NEDD9: variants seen among roughly 807,000 people sequenced by gnomAD.
NEDD9 encodes the protein enhancer of filamentation 1.
Under a neutral mutation model 76.6 loss-of-function variants are expected in NEDD9, and 26 were observed. The ratio of observed to expected loss-of-function variants is 0.34; its 90% CI spans 0.25 to 0.47. The LOEUF is 0.47. Ranked by LOEUF, NEDD9 falls within the 20% of genes least tolerant of loss-of-function variation. The pLI, the probability that NEDD9 is intolerant of heterozygous loss-of-function variation, is 1.00. For synonymous variants in NEDD9, 392 were observed against 414.2 expected, an observed-to-expected ratio of 0.95 and a Z score of 0.65; for missense variants, 937 against 1,058.5, an observed-to-expected ratio of 0.89 and a Z score of 1.59.
chr6:11,206,597 A>G (rs2113746459), intron 2 of NEDD9, among the ~76,000 whole-genome samples: 1 of 152,326 alleles, frequency 6.6e-6, no homozygotes, highest in East Asian at 1.9e-4. Context: ...TCATTGAAAA[A>G]GGAGGGTTAA....
chr6:11,189,886 C>A, intron 5 of NEDD9, 78 bp downstream of exon 5: 1 of 1,471,048 alleles, frequency 6.8e-7, no homozygotes, highest in Non-Finnish European at 9.0e-7. Flanking sequence ...CAGTCCAACC[C>A]GACATCCTTA....
intron 1 of NEDD9, among the ~76,000 whole-genome samples, chr6:11,348,802 A>T (rs747384189): frequency 6.6e-6 from 1 of 152,156 alleles, no homozygotes; most frequent in Non-Finnish European, 1.5e-5. Context: ...TAAATGTAAA[A>T]CCCAAAACTA....
At chr6:11,239,924 G>A (rs1041671802) in intron 3 of NEDD9, among the ~76,000 whole-genome samples, 1 of 151,422 alleles carries the variant, frequency 6.6e-6, no homozygotes, top group Non-Finnish European at 1.5e-5. Flanking sequence ...CACACCTGTA[G>A]TCCTAGCTAC....
chr6:11,364,341 T>C (rs1435039906), intron 1 of NEDD9, among the ~76,000 whole-genome samples: 1 of 152,192 alleles, frequency 6.6e-6, no homozygotes, highest in East Asian at 1.9e-4. Context: ...CCTTTGCTGA[T>C]TCTGATTTGT....
intron 2 of NEDD9, among the ~76,000 whole-genome samples, chr6:11,194,375 T>C (rs1758239720): frequency 1.3e-5 from 2 of 152,244 alleles, no homozygotes; most frequent in African/African-American, 2.4e-5. Context: ...TGAAATTTGC[T>C]TTAAGGCTCT....
At chr6:11,374,703 G>C (rs375286644) in intron 1 of NEDD9, among the ~76,000 whole-genome samples, 23 of 152,190 alleles carry the variant, frequency 1.5e-4, no homozygotes, top group Non-Finnish European at 2.6e-4. Context: ...TTCTCTTCAG[G>C]ATCAAGCAAA....
intron 3 of NEDD9, among the ~76,000 whole-genome samples, chr6:11,255,569 G>T (rs1003982531): frequency 6.6e-6 from 1 of 152,130 alleles, no homozygotes; most frequent in African/African-American, 2.4e-5. Context: ...TGAAGGCCCC[G>T]TGGCAGAAGG....
At chr6:11,188,091 T>C in intron 6 of NEDD9, 127 bp downstream of exon 6, 1 of 772,326 alleles carries the variant, frequency 1.3e-6, no homozygotes, top group Non-Finnish European at 2.2e-6. Flanking sequence ...CATTCCGTGC[T>C]TTGGAGCTGA....
rs1263633150 is a variant in NEDD9, at chr6:11,266,704, GGTCTGA to G, written c.12+39282_12+39287del. Among the ~76,000 whole-genome samples the G allele has an allele frequency of 3.8e-4, 58 of 152,280 alleles. No homozygotes were observed. In the East Asian group the frequency reaches 6.4e-3, roughly 17 times the overall value. On this transcript the variant is annotated intron_variant, in intron 3 of 3. Coordinates refer to the NEDD9 transcript ENST00000397378. ...CTAGGAATGGGAAGTTGTAACCAGT[GGTCTGA>G]GTCTAAGCCAGGATAGTTGTAGTTT... is the stretch of plus-strand genomic sequence containing the variant.
In NEDD9 at chr6:11,241,815, C is replaced by G. The variant is rs528144728; in HGVS notation, c.13-28088G>C. Among the ~76,000 whole-genome samples, 7 of 152,328 alleles carry G rather than the reference C, an allele frequency of 4.6e-5. No individual in the cohort carries two copies. The highest frequency in any genetic ancestry group is 1.7e-4 in the African/African-American group (7 of 41,584). ...CTCATCAGCTGAGGCCGGCCAATGT[C>G]CAGCAGGCCCCGGGCCCAGAGCCTC... is the stretch of plus-strand genomic sequence containing the variant. On this transcript the variant is annotated intron_variant, in intron 3 of 3. Transcript: ENST00000397378. This position sits in a 1 kb window ranked among gnomAD's most constrained non-coding sequence, Gnocchi z 4.0.
chr6:11,266,040 G>C (rs2113333170), intron 3 of NEDD9, among the ~76,000 whole-genome samples: 1 of 152,094 alleles, frequency 6.6e-6, no homozygotes, highest in East Asian at 1.9e-4. Flanking sequence ...GGAAGGGAGA[G>C]GGGGTGGGAA....
At chr6:11,334,986 A>G (rs1762123866) in intron 1 of NEDD9, among the ~76,000 whole-genome samples, 1 of 152,210 alleles carries the variant, frequency 6.6e-6, no homozygotes, top group South Asian at 2.1e-4. Context: ...GAGAGCAATC[A>G]TTAAAGCTGA....
intron 2 of NEDD9, among the ~76,000 whole-genome samples, chr6:11,326,272 C>T (rs1425533103): frequency 6.6e-6 from 1 of 152,046 alleles, no homozygotes; most frequent in African/African-American, 2.4e-5. Flanking sequence ...CAAAGCAACA[C>T]AGGAATAAAG....
At chr6:11,218,387 A>G (rs748729689) in intron 1 of NEDD9, among the ~76,000 whole-genome samples, 5 of 149,410 alleles carry the variant, frequency 3.3e-5, no homozygotes, top group African/African-American at 7.4e-5. Context: ...TTGCTTCCCA[A>G]TTGGCTTTCC....
chr6:11,320,484 G>A (rs188938063), intron 2 of NEDD9, among the ~76,000 whole-genome samples: 48 of 152,258 alleles, frequency 3.2e-4, no homozygotes, highest in African/African-American at 9.1e-4. Context: ...CGATTTGTTC[G>A]TATCTATCCA....
intron 3 of NEDD9, among the ~76,000 whole-genome samples, chr6:11,262,421 A>G (rs1760132034): frequency 6.6e-6 from 1 of 152,238 alleles, no homozygotes. Context: ...AATCAAGAGC[A>G]TGCGGTCTAA....
intron 3 of NEDD9, among the ~76,000 whole-genome samples, chr6:11,254,233 G>A (rs549536339): frequency 6.6e-6 from 1 of 152,036 alleles, no homozygotes; most frequent in East Asian, 1.9e-4. Context: ...CAATTCTTCT[G>A]CCTCAAACTC....
chr6:11,232,480 A>G, intron 1 of NEDD9, 24 bp downstream of exon 1: 1 of 1,614,168 alleles, frequency 6.2e-7, no homozygotes, highest in Non-Finnish European at 8.5e-7. Flanking sequence ...CTTGCAAGGT[A>G]ACCTGTAAAA....
chr6:11,288,778 G>T (rs1434083798), intron 3 of NEDD9, among the ~76,000 whole-genome samples: 1 of 152,194 alleles, frequency 6.6e-6, no homozygotes, highest in Non-Finnish European at 1.5e-5. Flanking sequence ...TTGGCATTCT[G>T]CTCACTGACT....
Sources: allele counts gnomAD v4.1 joint callset (sites outside exome capture counted in the v4.1 genomes callset), GRCh38; gene constraint gnomAD v4.1.1; non-coding constraint Gnocchi (gnomAD v3.1); transcripts MANE v1.5; gene names NCBI Gene and HGNC (gene_info 2026-07-23, HGNC 2026-07-21).